Variants in AADAT observed in about 807,000 individuals in gnomAD.
AADAT encodes the protein kynurenine/alpha-aminoadipate aminotransferase, mitochondrial.
A neutral mutation model predicts 56.2 loss-of-function variants in AADAT; 25 were observed. That is an observed-to-expected ratio of 0.44 (90% CI 0.32 to 0.62). The LOEUF (loss-of-function observed/expected upper bound fraction) is 0.62. Ranked by LOEUF, AADAT falls within the 20% of genes least tolerant of loss-of-function variation. AADAT has a pLI of 0.04. For synonymous variants in AADAT, 173 were observed against 164.7 expected (o/e 1.05, Z -0.39); for missense variants, 387 against 510.5 (o/e 0.76, Z 2.33).
chr4:170,076,166 A>G (rs1399810349), intron 4 of AADAT, among the ~76,000 whole-genome samples: 3 of 152,212 alleles, frequency 2.0e-5, no homozygotes, highest in Non-Finnish European at 4.4e-5. Context: ...GGAACTGACA[A>G]ACTTTCCCAC....
chr4:170,065,667 A>C (rs935211886), intron 10 of AADAT, among the ~76,000 whole-genome samples: 2 of 151,974 alleles, frequency 1.3e-5, no homozygotes, highest in African/African-American at 4.8e-5. Flanking sequence ...CGCCCAGCTA[A>C]TTTTTATATT....
At chr4:170,089,157 G>A (rs1186741388) in intron 1 of AADAT, 2 of 279,122 alleles carry the variant, frequency 7.2e-6, no homozygotes, top group East Asian at 2.3e-4. Context: ...CAAAGAGAAG[G>A]CAGAGGGATC....
intron 11 of AADAT, among the ~76,000 whole-genome samples, 192 bp from the exon 12 acceptor site, chr4:170,062,185 T>C (rs992778888): frequency 3.3e-5 from 5 of 152,076 alleles, no homozygotes; most frequent in African/African-American, 1.2e-4. Flanking sequence ...ACATAGAAAC[T>C]GAAAAAATGT....
In AADAT at chr4:170,062,585, C is replaced by T. The variant is rs1449806026; in HGVS notation, c.1135-592G>A. On this transcript the variant is annotated intron_variant, in intron 11 of 12. Coordinates refer to ENST00000337664, the MANE Select transcript of AADAT (RefSeq NM_016228.4). ...GCGTGTCAAGATGGGGTGGTCGGAA[C>T]AGCTGCTGTTCTTGATGGCCACACA... Among the ~76,000 whole-genome samples, 3 of 152,186 alleles carry T rather than the reference C, an allele frequency of 2.0e-5. No homozygotes were observed. In the East Asian group the frequency reaches 5.8e-4, roughly 29 times the overall value.
At position 170,060,281 on chromosome 4, in the gene AADAT, G is replaced by A. The variant is rs1731134289; in HGVS notation, c.*647C>T. On this transcript the variant is annotated 3_prime_UTR_variant, in exon 13 of 13. Transcript: ENST00000337664. Reference sequence around the variant, plus strand: ...TTCTGTGGCATAACATAAGGTTTATGGTACTTTTACTAAAAGTCACTTATA... The same window carrying A: ...TTCTGTGGCATAACATAAGGTTTATAGTACTTTTACTAAAAGTCACTTATA... 6.6e-6 allele frequency: 1 copy of A among 151,798 alleles called. No individual in the cohort carries two copies. Among genetic ancestry groups the A allele is most frequent in the South Asian group, 2.1e-4 (1 of 4,788 alleles). The allele number at this position is 151,798 out of a possible 1,614,324, so 9.4% of individuals were successfully genotyped here. A position where few individuals can be genotyped will look rare whatever the true frequency, so the allele number is the denominator to read the frequency against.
Position 170,060,422 on chromosome 4 carries a change from A to C in AADAT, c.*506T>G, listed in dbSNP as rs1731140690. The C allele has an allele frequency of 6.6e-6, 1 of 152,290 alleles. No homozygotes were observed. 9.4% of individuals were successfully genotyped at this position (152,290 alleles called of 1,614,324 possible). A position where few individuals can be genotyped will look rare whatever the true frequency, so the allele number is the denominator to read the frequency against. On this transcript the variant is annotated 3_prime_UTR_variant, in exon 13 of 13. Transcript: ENST00000337664. ...ATTACTTCTTTAAAATCTCAAAATA[A>C]TTCAGTGTAAAATGTTAGTTTCAAA...
intron 11 of AADAT, among the ~76,000 whole-genome samples, chr4:170,062,366 A>C (rs1365773662): frequency 1.3e-5 from 2 of 152,210 alleles, no homozygotes; most frequent in Non-Finnish European, 1.5e-5. Context: ...TTTTTAAGTT[A>C]ATAAGTCTGA....
At chr4:170,092,026 C>T (rs146395278), upstream of AADAT, among the ~76,000 whole-genome samples, 110 of 152,262 alleles carry the variant, frequency 7.2e-4, no homozygotes, top group African/African-American at 2.2e-3. Flanking sequence ...GGATTGTAAA[C>T]GCACCAATCA....
At chr4:170,078,149 C>T (rs548846705) in intron 4 of AADAT, among the ~76,000 whole-genome samples, 3 of 152,066 alleles carry the variant, frequency 2.0e-5, no homozygotes, top group Non-Finnish European at 4.4e-5. Flanking sequence ...CATAGTTGTA[C>T]TTATGCATAT....
chr4:170,072,080 A>G (rs899906435), intron 5 of AADAT, among the ~76,000 whole-genome samples: 6 of 152,142 alleles, frequency 3.9e-5, no homozygotes, highest in Non-Finnish European at 8.8e-5. Context: ...GGTAGGGGCC[A>G]GGCAATGTGC....
intron 2 of AADAT, 108 bp from the exon 3 acceptor site, chr4:170,087,356 TA>T: frequency 9.9e-7 from 1 of 1,013,280 alleles, no homozygotes; most frequent in Non-Finnish European, 1.4e-6. Context: ...TACACTCAAT[TA>T]AAAAACCCTC....
chr4:170,078,750 TTGCAACTACCC>T (rs1482885892), intron 3 of AADAT, among the ~76,000 whole-genome samples, 167 bp from the exon 4 acceptor site: 1 of 152,204 alleles, frequency 6.6e-6, no homozygotes, highest in Non-Finnish European at 1.5e-5. Context: ...AGTATCTCTG[TTGCAACTACCC>T]TGCAACTACT....
intron 1 of AADAT, 125 bp downstream of exon 1, chr4:170,089,492 GCCTGGCT>G: frequency 2.1e-6 from 2 of 965,520 alleles, no homozygotes; most frequent in Non-Finnish European, 3.2e-6. Context: ...TGCACGCAGA[GCCTGGCT>G]CACCGCGAGC....
intron 4 of AADAT, among the ~76,000 whole-genome samples, chr4:170,075,534 C>A (rs1055066259): frequency 6.6e-6 from 1 of 152,198 alleles, no homozygotes; most frequent in Non-Finnish European, 1.5e-5. Flanking sequence ...GGCTCGAACT[C>A]CTGACCTCAA....
At chr4:170,085,307 T>G (rs907114403) in intron 3 of AADAT, among the ~76,000 whole-genome samples, 1 of 152,200 alleles carries the variant, frequency 6.6e-6, no homozygotes, top group African/African-American at 2.4e-5. Context: ...AAGGGTCAAC[T>G]GTAAATATAT....
intron 4 of AADAT, among the ~76,000 whole-genome samples, chr4:170,077,508 A>C (rs1179832548): frequency 6.6e-6 from 1 of 152,220 alleles, no homozygotes; most frequent in African/African-American, 2.4e-5. Context: ...CATAAAAATA[A>C]AATAAAATTT....
At chr4:170,092,998 G>A (rs1222748846), upstream of AADAT, among the ~76,000 whole-genome samples, 1 of 152,170 alleles carries the variant, frequency 6.6e-6, no homozygotes, top group East Asian at 1.9e-4. Context: ...ACAAGCACCG[G>A]AAACATCTAA....
At chr4:170,075,598 C>T (rs1011229153) in intron 4 of AADAT, among the ~76,000 whole-genome samples, 8 of 152,216 alleles carry the variant, frequency 5.3e-5, no homozygotes, top group Non-Finnish European at 8.8e-5. Flanking sequence ...CGTGAGCCAC[C>T]TCGTCTAGTC....
intron 3 of AADAT, among the ~76,000 whole-genome samples, chr4:170,084,504 T>G (rs1395809831): frequency 1.3e-5 from 2 of 152,184 alleles, no homozygotes; most frequent in East Asian, 3.9e-4. Context: ...AGCCAGGCAA[T>G]AGATTTTTCC....
Sources: gnomAD v4.1 joint callset for allele counts (sites outside exome capture counted in the v4.1 genomes callset) on GRCh38, gnomAD v4.1.1 for gene constraint, MANE v1.5 for transcripts, NCBI Gene and HGNC (gene_info 2026-07-23, HGNC 2026-07-21) for gene names.